Variants in GPC6 observed in about 807,000 individuals in gnomAD.
GPC6 encodes glypican-6.
A neutral mutation model predicts 55.2 loss-of-function variants in GPC6; 14 were observed. The observed-to-expected ratio is 0.25, with a 90% CI of 0.17 to 0.40. GPC6 has a LOEUF of 0.40. Ranked by LOEUF, GPC6 falls within the 10% of genes least tolerant of loss-of-function variation. The probability of loss-of-function intolerance (pLI) is 1.00; values close to 1 mark genes in which losing one functional copy is unlikely to be tolerated. For missense variants in GPC6, 641 were observed against 708.5 expected (o/e 0.90, Z 1.08); for synonymous variants, 278 against 259.6 (o/e 1.07, Z -0.68).
At chr13:93,482,929 A>C (rs886670492) in intron 1 of GPC6, among the ~76,000 whole-genome samples, 1 of 152,116 alleles carries the variant, frequency 6.6e-6, no homozygotes, top group Non-Finnish European at 1.5e-5. Context: ...TGTGGTCTGT[A>C]AGTCTGCTTG....
chr13:94,017,575 G>A (rs1160623847), intron 3 of GPC6, among the ~76,000 whole-genome samples: 3 of 152,074 alleles, frequency 2.0e-5, no homozygotes, highest in African/African-American at 7.2e-5. Flanking sequence ...TGATAGGTGG[G>A]GAGTTTTACA....
chr13:93,874,293 A>G (rs1889221853), intron 3 of GPC6, among the ~76,000 whole-genome samples: 1 of 151,872 alleles, frequency 6.6e-6, no homozygotes, highest in South Asian at 2.1e-4. Context: ...AAGTGAGAAC[A>G]TGCACTATTT....
At chr13:94,390,554 G>T (rs1016510012) in intron 7 of GPC6, among the ~76,000 whole-genome samples, 6 of 152,112 alleles carry the variant, frequency 3.9e-5, no homozygotes, top group Non-Finnish European at 7.4e-5. Flanking sequence ...GAGAGGGAAG[G>T]GGGTGGTGCC....
At chr13:93,836,207 G>A (rs1887725912) in intron 3 of GPC6, 1 of 152,182 alleles carries the variant, frequency 6.6e-6, no homozygotes, top group Non-Finnish European at 1.5e-5. Context: ...AAGGAAAAAT[G>A]TTATTACCAA....
At chr13:94,227,930 A>G (rs1407526851) in intron 4 of GPC6, among the ~76,000 whole-genome samples, 1 of 152,318 alleles carries the variant, frequency 6.6e-6, no homozygotes, top group East Asian at 1.9e-4. Flanking sequence ...TTTCACTCTC[A>G]GTTCCTCAGT....
intron 2 of GPC6, among the ~76,000 whole-genome samples, chr13:93,689,722 T>C (rs1002998158): frequency 2.6e-5 from 4 of 152,180 alleles, no homozygotes; most frequent in African/African-American, 9.6e-5. Context: ...TTACTTCTTG[T>C]CCTTATCTAA....
At chr13:94,046,252 T>G (rs1883728908) in intron 4 of GPC6, among the ~76,000 whole-genome samples, 1 of 152,122 alleles carries the variant, frequency 6.6e-6, no homozygotes, top group African/African-American at 2.4e-5. Flanking sequence ...GGCCACTCAT[T>G]CTTTCAACTT....
chr13:93,325,841 A>G (rs1314829145), intron 1 of GPC6, among the ~76,000 whole-genome samples: 1 of 152,170 alleles, frequency 6.6e-6, no homozygotes, highest in Non-Finnish European at 1.5e-5. Flanking sequence ...GATGAAATCA[A>G]AGCCCTAGGG....
chr13:94,277,252 A>G (rs1198085859), intron 4 of GPC6, among the ~76,000 whole-genome samples: 3 of 146,942 alleles, frequency 2.0e-5, no homozygotes, highest in African/African-American at 7.5e-5. Context: ...GTGTCTGTTC[A>G]TATCCTTTGC....
chr13:93,484,148 G>C (rs1365270477), intron 1 of GPC6, among the ~76,000 whole-genome samples: 1 of 145,704 alleles, frequency 6.9e-6, no homozygotes, highest in Admixed American at 6.7e-5. Context: ...TTCAGCATCT[G>C]CCATAGCAAC....
chr13:94,164,373 G>A (rs1888276276), intron 4 of GPC6, among the ~76,000 whole-genome samples: 1 of 152,008 alleles, frequency 6.6e-6, no homozygotes, highest in African/African-American at 2.4e-5. Flanking sequence ...TTCCAAATGA[G>A]AAAACTCAGG....
In GPC6 at chr13:93,684,881, G is replaced by A. The variant is rs550957030; in HGVS notation, c.319+139460G>A. Among the ~76,000 whole-genome samples, 11 of 152,178 alleles carry A rather than the reference G, an allele frequency of 7.2e-5. No homozygotes were observed. The South Asian group carries it at 2.3e-3, about 32-fold the overall frequency. On this transcript the variant is annotated intron_variant, in intron 2 of 8. Coordinates refer to ENST00000377047, the MANE Select transcript of GPC6 (RefSeq NM_005708.5). ...CCATAGATAATTTATCTGCATGTAG[G>A]ACAAACAAAATCCTGAAATAGTTTA...
At chr13:93,965,115 T>G (rs1481240295) in intron 3 of GPC6, among the ~76,000 whole-genome samples, 3 of 142,402 alleles carry the variant, frequency 2.1e-5, no homozygotes, top group Admixed American at 7.0e-5. Context: ...TGTTTTTTTT[T>G]TTTTTTTTTT....
At chr13:93,936,379 G>A (rs1878433365) in intron 3 of GPC6, among the ~76,000 whole-genome samples, 1 of 151,850 alleles carries the variant, frequency 6.6e-6, no homozygotes, top group Admixed American at 6.6e-5. Flanking sequence ...GGGGGAAGGG[G>A]AATGTGTGTG....
chr13:93,940,550 T>C (rs1416254378), intron 3 of GPC6, among the ~76,000 whole-genome samples: 3 of 151,894 alleles, frequency 2.0e-5, no homozygotes, highest in Non-Finnish European at 4.4e-5. Flanking sequence ...AAGAAATAAA[T>C]GGCACAAAAA....
intron 3 of GPC6, among the ~76,000 whole-genome samples, chr13:93,892,335 C>T (rs1296974520): frequency 2.6e-5 from 4 of 152,076 alleles, no homozygotes; most frequent in South Asian, 2.1e-4. Flanking sequence ...AAAATGACAG[C>T]GCTTTGAAAA....
chr13:94,054,393 T>C (rs1884060370), intron 4 of GPC6, among the ~76,000 whole-genome samples: 1 of 152,190 alleles, frequency 6.6e-6, no homozygotes, highest in African/African-American at 2.4e-5. Flanking sequence ...CCGGAGGGCC[T>C]GTTAAACCAC....
intron 2 of GPC6, among the ~76,000 whole-genome samples, chr13:93,670,507 G>C (rs1383966061): frequency 6.6e-6 from 1 of 152,084 alleles, no homozygotes; most frequent in Non-Finnish European, 1.5e-5. Flanking sequence ...TATGATTTAT[G>C]TCCTAACCAA....
At chr13:93,955,583 T>A (rs189257552) in intron 3 of GPC6, among the ~76,000 whole-genome samples, 1 of 152,190 alleles carries the variant, frequency 6.6e-6, no homozygotes, top group Non-Finnish European at 1.5e-5. Context: ...GGCAACACTA[T>A]ACTACTTTTT....
Sources: allele counts gnomAD v4.1 joint callset (sites outside exome capture counted in the v4.1 genomes callset), GRCh38; gene constraint gnomAD v4.1.1; transcripts MANE v1.5; gene names NCBI Gene and HGNC (gene_info 2026-07-23, HGNC 2026-07-21).